Variants in FRMD3 observed in about 807,000 individuals in gnomAD.
FRMD3 encodes FERM domain-containing protein 3.
Under a neutral mutation model 70.2 loss-of-function variants are expected in FRMD3, and 33 were observed. The observed-to-expected ratio is 0.47, with a 90% CI of 0.36 to 0.63. The LOEUF (loss-of-function observed/expected upper bound fraction) is 0.63. FRMD3 is among the 20% of genes least tolerant of loss of function. FRMD3 has a pLI of 0.00. For missense variants in FRMD3, 632 were observed against 711.4 expected, an observed-to-expected ratio of 0.89 and a Z score of 1.27; for synonymous variants, 279 against 255.9, an observed-to-expected ratio of 1.09 and a Z score of -0.86.
At chr9:83,526,920 C>T (rs1459260064) in intron 1 of FRMD3, among the ~76,000 whole-genome samples, 1 of 149,950 alleles carries the variant, frequency 6.7e-6, no homozygotes, top group Admixed American at 6.6e-5. Context: ...CCCCTCCTTT[C>T]CATCCTGCAC....
At chr9:83,325,701 G>A (rs1404139242) in intron 6 of FRMD3, among the ~76,000 whole-genome samples, 1 of 152,108 alleles carries the variant, frequency 6.6e-6, no homozygotes. Flanking sequence ...ATTCACTCCA[G>A]GTAACTGATA....
chr9:83,396,618 T>C (rs1041824379), intron 1 of FRMD3, among the ~76,000 whole-genome samples: 2 of 152,222 alleles, frequency 1.3e-5, no homozygotes, highest in African/African-American at 4.8e-5. Flanking sequence ...CGAGGGCTTC[T>C]GGGATAATTC....
intron 10 of FRMD3, among the ~76,000 whole-genome samples, chr9:83,304,707 T>C (rs992884845): frequency 2.0e-5 from 3 of 152,250 alleles, no homozygotes; most frequent in African/African-American, 7.2e-5. Flanking sequence ...GAGATAAAGA[T>C]GCTGTTAATG....
chr9:83,458,234 C>T (rs973312849), intron 1 of FRMD3, among the ~76,000 whole-genome samples: 4 of 152,132 alleles, frequency 2.6e-5, no homozygotes, highest in Non-Finnish European at 4.4e-5. Flanking sequence ...ACAGGGGCTT[C>T]GCTCACCTTC....
At chr9:83,311,622 A>G (rs1587710454) in intron 8 of FRMD3, among the ~76,000 whole-genome samples, 1 of 152,104 alleles carries the variant, frequency 6.6e-6, no homozygotes, top group Non-Finnish European at 1.5e-5. Context: ...CCACAGCAGT[A>G]GAAGCTACTG....
intron 1 of FRMD3, 29 bp from the exon 2 acceptor site, chr9:83,389,737 C>T (rs369825733): frequency 2.7e-6 from 4 of 1,499,436 alleles, no homozygotes; most frequent in Non-Finnish European, 3.7e-6. Context: ...TAAGTCTCAG[C>T]CAGAGCTCAC....
intron 3 of FRMD3, among the ~76,000 whole-genome samples, chr9:83,370,552 C>T (rs570843900): frequency 4.5e-4 from 69 of 152,292 alleles, no homozygotes; most frequent in African/African-American, 1.3e-3. Flanking sequence ...ATTCAGATTT[C>T]ATTTGTCATT....
At chr9:83,479,662 AGGAAG>A in intron 1 of FRMD3, among the ~76,000 whole-genome samples, 1 of 57,196 alleles carries the variant, frequency 1.7e-5, no homozygotes, top group African/African-American at 9.8e-5. Flanking sequence ...GAAGGAAGGA[AGGAAG>A]GAAGGAAAGA....
chr9:83,331,896 T>A (rs1159693844), intron 6 of FRMD3: 2 of 717,464 alleles, frequency 2.8e-6, no homozygotes, highest in South Asian at 1.5e-5. Context: ...CTGGGTAAGA[T>A]CTTGGGATGA....
chr9:83,457,138 T>C (rs183756380), intron 1 of FRMD3, among the ~76,000 whole-genome samples: 45 of 152,326 alleles, frequency 3.0e-4, no homozygotes, highest in African/African-American at 1.0e-3. Flanking sequence ...GACAAATATC[T>C]ACTTACAATA....
At chr9:83,282,106 T>C (rs1039745644) in intron 13 of FRMD3, among the ~76,000 whole-genome samples, 2 of 152,236 alleles carry the variant, frequency 1.3e-5, no homozygotes, top group Non-Finnish European at 1.5e-5. Flanking sequence ...AGTATAAGGA[T>C]GTAATCCCAG....
At chr9:83,405,612 A>AG (rs1210123857) in intron 1 of FRMD3, among the ~76,000 whole-genome samples, 1 of 151,564 alleles carries the variant, frequency 6.6e-6, no homozygotes, top group East Asian at 1.9e-4. Context: ...AAATGCAAAA[A>AG]AAAAAAAATT....
chr9:83,410,692 A>G (rs186032090), intron 1 of FRMD3, among the ~76,000 whole-genome samples: 18 of 152,302 alleles, frequency 1.2e-4, no homozygotes, highest in Admixed American at 9.8e-4. Flanking sequence ...GTTGAATGGT[A>G]GTTCTGTTTT....
At chr9:83,407,650 T>A (rs1160825960) in intron 1 of FRMD3, among the ~76,000 whole-genome samples, 1 of 152,234 alleles carries the variant, frequency 6.6e-6, no homozygotes, top group African/African-American at 2.4e-5. Flanking sequence ...CAAGCCACTC[T>A]AAAACATAGG....
chr9:83,524,050 C>A (rs1160178898), intron 1 of FRMD3, among the ~76,000 whole-genome samples: 1 of 152,208 alleles, frequency 6.6e-6, no homozygotes, highest in African/African-American at 2.4e-5. Flanking sequence ...ACAGAGAGAG[C>A]CTGACATGGC....
At chr9:83,430,113 C>T (rs1826928626) in intron 1 of FRMD3, among the ~76,000 whole-genome samples, 1 of 152,212 alleles carries the variant, frequency 6.6e-6, no homozygotes, top group Non-Finnish European at 1.5e-5. Flanking sequence ...CCTTTCTGAT[C>T]ATACCTTATC....
intron 1 of FRMD3, among the ~76,000 whole-genome samples, chr9:83,466,140 A>G (rs1195935574): frequency 6.6e-6 from 1 of 152,164 alleles, no homozygotes; most frequent in Non-Finnish European, 1.5e-5. Context: ...GAAGACAAGC[A>G]TTGCTATCAG....
rs547953050 is a variant in FRMD3, at chr9:83,290,640, G to A, written c.1158C>T (p.Ser386=). 1 of 1,614,094 alleles carries A rather than the reference G, an allele frequency of 6.2e-7. No homozygotes were observed. Among genetic ancestry groups the A allele is most frequent in the Admixed American group, 1.7e-5 (1 of 60,024 alleles). The change falls in exon 13 of 14, where the codon TCC becomes TCT. Residue 386 remains serine (S), a synonymous_variant. Transcript: ENST00000304195. ...GAAGTTCTTCTTCTTGCTCGCTGGG[G>A]GAAGGAAGCAGGGGCTGCAGGGGTT... ...NMEPLQPLLP[S]PSEQEEELPL...
chr9:83,491,371 CCGTG>C (rs1456952914), intron 1 of FRMD3, among the ~76,000 whole-genome samples: 1 of 152,184 alleles, frequency 6.6e-6, no homozygotes, highest in Admixed American at 6.5e-5. Flanking sequence ...TTTTCTTACT[CCGTG>C]GGTGCTTAAT....
Sources: gnomAD v4.1 joint callset for allele counts (sites outside exome capture counted in the v4.1 genomes callset) on GRCh38, gnomAD v4.1.1 for gene constraint, MANE v1.5 for transcripts, NCBI Gene and HGNC (gene_info 2026-07-23, HGNC 2026-07-21) for gene names.